Variants in ZEB1 observed in about 807,000 individuals in gnomAD.
ZEB1 encodes zinc finger E-box-binding homeobox 1.
ZEB1 carries 21 observed loss-of-function variants against 84.9 expected under a neutral mutation model. That is an observed-to-expected ratio of 0.25 (90% CI 0.18 to 0.36). The LOEUF (loss-of-function observed/expected upper bound fraction) is 0.36. ZEB1 is among the 10% of genes least tolerant of loss of function. The pLI, the probability that ZEB1 is intolerant of heterozygous loss-of-function variation, is 1.00. For synonymous variants in ZEB1, 420 were observed against 471.1 expected, an observed-to-expected ratio of 0.89 and a Z score of 1.41; for missense variants, 1,104 against 1,330.2, an observed-to-expected ratio of 0.83 and a Z score of 2.65.
chr10:31,330,365 G>A (rs1386160378), intron 1 of ZEB1, among the ~76,000 whole-genome samples: 2 of 152,172 alleles, frequency 1.3e-5, no homozygotes, highest in Non-Finnish European at 2.9e-5. Flanking sequence ...CCTAGTTGGG[G>A]TTTTCAAGGT....
intron 1 of ZEB1, among the ~76,000 whole-genome samples, chr10:31,324,196 C>T (rs2034910691): frequency 6.6e-6 from 1 of 151,770 alleles, no homozygotes. Flanking sequence ...TGAAGATGAC[C>T]CTGATATAAA....
chr10:31,417,227 T>C (rs1380497635), intron 1 of ZEB1, among the ~76,000 whole-genome samples: 1 of 152,192 alleles, frequency 6.6e-6, no homozygotes, highest in Non-Finnish European at 1.5e-5. Flanking sequence ...TGTTCTTTCA[T>C]GCCAGTCTCC....
chr10:31,416,605 C>G (rs1446564447), intron 1 of ZEB1, among the ~76,000 whole-genome samples: 1 of 151,984 alleles, frequency 6.6e-6, no homozygotes, highest in East Asian at 1.9e-4. Context: ...GATATTGAAG[C>G]AAAATTTAAA....
intron 1 of ZEB1, among the ~76,000 whole-genome samples, chr10:31,417,956 G>A (rs976987224): frequency 2.6e-5 from 4 of 151,992 alleles, no homozygotes; most frequent in Non-Finnish European, 5.9e-5. Context: ...CTTGAATACA[G>A]GTAAATACAA....
chr10:31,472,416 A>T (rs977944803), intron 2 of ZEB1, among the ~76,000 whole-genome samples: 2 of 152,234 alleles, frequency 1.3e-5, no homozygotes, highest in African/African-American at 4.8e-5. Context: ...ACCATCAGAG[A>T]ATACTACAAA....
In ZEB1 at chr10:31,518,981, C is replaced by T. The variant is rs377436016; in HGVS notation, c.794-1145C>T. 1.2e-3 allele frequency among the ~76,000 whole-genome samples: 188 copies of T among 152,280 alleles called. 1 individual carries two copies. The highest frequency in any genetic ancestry group is 4.4e-3 in the African/African-American group (182 of 41,562). On this transcript the variant is annotated intron_variant, in intron 6 of 8. Coordinates refer to ENST00000424869, the MANE Select transcript of ZEB1 (RefSeq NM_001174096.2). ...TAGTAGGGCTTAAATTGATTCCTCACTGCTTTCATTTTAATTCTTAAAAAG... is the reference window on the plus strand; with the variant it reads ...TAGTAGGGCTTAAATTGATTCCTCATTGCTTTCATTTTAATTCTTAAAAAG...
At chr10:31,345,427 T>C (rs11008464) in intron 1 of ZEB1, among the ~76,000 whole-genome samples, 37,417 of 152,048 alleles carry the variant, frequency 0.25, 10,112 homozygotes, top group African/African-American at 0.68. Flanking sequence ...CATTTTGTTC[T>C]GTAGGTTTGT....
At position 31,526,839 on chromosome 10, in the gene ZEB1, T is replaced by G; in HGVS notation, c.2953T>G (p.Ser985Ala). 6.2e-7 allele frequency: 1 copy of G among 1,614,110 alleles called. No individual in the cohort carries two copies. Among genetic ancestry groups the G allele is most frequent in the Non-Finnish European group, 8.5e-7 (1 of 1,180,016 alleles). Reference protein sequence around the residue: ...SYSQHMNHRYSYCKREAEERD... With the variant: ...SYSQHMNHRYAYCKREAEERD... ...TTCTCAACACATGAATCATCGCTAC[T>G]CCTACTGTAAGAGAGAAGCGGAAGA... The change falls in exon 9 of 9, where the codon TCC becomes GCC. Residue 985 changes from serine to alanine, a missense_variant. Transcript: ENST00000424869.
At chr10:31,363,589 T>G in intron 1 of ZEB1, 1 of 1,522,742 alleles carries the variant, frequency 6.6e-7, no homozygotes. Context: ...TTTGGGCTCT[T>G]CTGCGCTCAC....
At position 31,527,229 on chromosome 10, in the gene ZEB1, G is replaced by A; in HGVS notation, c.3343G>A (p.Glu1115Lys). The change falls in exon 9 of 9, where the codon GAG becomes AAG. Residue 1115 changes from glutamate (E) to lysine (K), a missense_variant. Coordinates refer to ENST00000424869, the MANE Select transcript of ZEB1 (RefSeq NM_001174096.2). ...SLGQKVGESS[E>K]QVSEEKTNEA Reference sequence around the variant, plus strand: ...AGGACAAAAAGTAGGCGAGAGTAGTGAGCAAGTGTCTGAAGAAAAGACAAA... The same window carrying A: ...AGGACAAAAAGTAGGCGAGAGTAGTAAGCAAGTGTCTGAAGAAAAGACAAA... 6.2e-7 allele frequency: 1 copy of A among 1,609,850 alleles called. No individual in the cohort carries two copies.
At position 31,401,523 on chromosome 10, in the gene ZEB1, ATTC is replaced by A. The variant is rs1590868948; in HGVS notation, c.59-59511_59-59509del. Among the ~76,000 whole-genome samples, 4 of 152,242 alleles carry A rather than the reference ATTC, an allele frequency of 2.6e-5. No individual in the cohort carries two copies. In the East Asian group the frequency reaches 7.7e-4, roughly 29 times the overall value. The stretch of plus-strand genomic sequence containing the variant: ...ATGTGTGCAGGTGTGCTTTTTGTTT[ATTC>A]TTATGTGACTTAGTTAAGCTGGCAG... On this transcript the variant is annotated intron_variant, in intron 1 of 8. Coordinates refer to ENST00000424869, the MANE Select transcript of ZEB1 (RefSeq NM_001174096.2).
chr10:31,457,985 T>A (rs2061429292), intron 1 of ZEB1, among the ~76,000 whole-genome samples: 1 of 152,048 alleles, frequency 6.6e-6, no homozygotes, highest in Non-Finnish European at 1.5e-5. Context: ...GGCATCAGCA[T>A]AAAACCATGG....
intron 5 of ZEB1, among the ~76,000 whole-genome samples, chr10:31,512,054 G>A (rs913464745): frequency 1.3e-5 from 2 of 152,102 alleles, no homozygotes; most frequent in Non-Finnish European, 2.9e-5. Flanking sequence ...GACGACTGAA[G>A]GCAAACTCCG....
At chr10:31,321,554 T>C (rs761168392) in intron 1 of ZEB1, 5 of 1,613,924 alleles carry the variant, frequency 3.1e-6, no homozygotes, top group Non-Finnish European at 4.2e-6. Flanking sequence ...CGGAAAGAGC[T>C]GTTCGCTTTT....
chr10:31,336,702 G>A (rs2038153883), intron 1 of ZEB1, among the ~76,000 whole-genome samples: 1 of 152,018 alleles, frequency 6.6e-6, no homozygotes, highest in Non-Finnish European at 1.5e-5. Context: ...GAATAAACTC[G>A]TTTGGCCAAG....
chr10:31,474,198 A>G (rs1565024089), intron 2 of ZEB1, among the ~76,000 whole-genome samples: 2 of 152,152 alleles, frequency 1.3e-5, no homozygotes, highest in African/African-American at 2.4e-5. Flanking sequence ...ACAAAAGCCA[A>G]AATTGACAAA....
At chr10:31,362,161 G>A (rs1243595008) in intron 1 of ZEB1, among the ~76,000 whole-genome samples, 30 of 151,528 alleles carry the variant, frequency 2.0e-4, no homozygotes, top group East Asian at 1.4e-3. Context: ...CAGATGGGGC[G>A]GCGGCTGGGC....
chr10:31,514,201 A>G (rs1231548190), intron 5 of ZEB1, among the ~76,000 whole-genome samples: 1 of 152,174 alleles, frequency 6.6e-6, no homozygotes, highest in Non-Finnish European at 1.5e-5. Flanking sequence ...CAGGTTATTC[A>G]GTATTTGTGG....
At chr10:31,333,616 T>G (rs1355755030) in intron 1 of ZEB1, among the ~76,000 whole-genome samples, 1 of 151,610 alleles carries the variant, frequency 6.6e-6, no homozygotes, top group Non-Finnish European at 1.5e-5. Context: ...GAAACAATAT[T>G]CAATCTGAAA....
Sources: gnomAD v4.1 joint callset for allele counts (sites outside exome capture counted in the v4.1 genomes callset) on GRCh38, gnomAD v4.1.1 for gene constraint, MANE v1.5 for transcripts, NCBI Gene and HGNC (gene_info 2026-07-23, HGNC 2026-07-21) for gene names.